The following MYO16 variants were observed in gnomAD, a reference collection of about 807,000 sequenced individuals.
MYO16 encodes the protein unconventional myosin-XVI.
MYO16 carries 94 observed loss-of-function variants against 205.3 expected under a neutral mutation model. The observed-to-expected ratio is 0.46, with a 90% confidence interval of 0.39 to 0.54. The LOEUF (loss-of-function observed/expected upper bound fraction) is 0.54. Ranked by LOEUF, MYO16 falls within the 20% of genes least tolerant of loss-of-function variation. MYO16 has a pLI of 0.00. For missense variants in MYO16, 2,315 were observed against 2,387.5 expected, an observed-to-expected ratio of 0.97 and a Z score of 0.63; for synonymous variants, 988 against 954.0, an observed-to-expected ratio of 1.04 and a Z score of -0.66.
At chr13:109,178,357 G>C (rs1051197263) in intron 33 of MYO16, among the ~76,000 whole-genome samples, 3 of 152,098 alleles carry the variant, frequency 2.0e-5, no homozygotes, top group Admixed American at 1.3e-4. Context: ...CAAGGTATCT[G>C]GACATGTAAC....
chr13:108,935,107 CT>C (rs1566420325), intron 16 of MYO16, among the ~76,000 whole-genome samples: 1 of 152,004 alleles, frequency 6.6e-6, no homozygotes, highest in Non-Finnish European at 1.5e-5. Flanking sequence ...TATTCGTGCT[CT>C]TTTTTTGTTT....
intron 1 of MYO16, among the ~76,000 whole-genome samples, chr13:108,645,901 A>G (rs903677159): frequency 2.0e-5 from 3 of 152,218 alleles, no homozygotes; most frequent in Non-Finnish European, 4.4e-5. Context: ...TTCCCAGCTC[A>G]GACTGAACAG....
chr13:109,023,741 ATATACG>A (rs1400037785), intron 23 of MYO16, among the ~76,000 whole-genome samples: 3 of 134,046 alleles, frequency 2.2e-5, no homozygotes, highest in African/African-American at 8.1e-5. Flanking sequence ...ATATATACAT[ATATACG>A]TATATGTATA....
chr13:108,880,312 T>C (rs1306538367), intron 12 of MYO16, among the ~76,000 whole-genome samples: 1 of 152,218 alleles, frequency 6.6e-6, no homozygotes, highest in Admixed American at 6.5e-5. Context: ...TTCTGTAGGT[T>C]GCCTGTTCAC....
At chr13:109,146,350 A>C (rs1298931483) in intron 32 of MYO16, among the ~76,000 whole-genome samples, 2 of 152,220 alleles carry the variant, frequency 1.3e-5, no homozygotes, top group Admixed American at 6.5e-5. Flanking sequence ...TTGTTTTTCA[A>C]GTTTTCCTTA....
chr13:108,551,731 A>G, the MYO16 span, among the ~76,000 whole-genome samples: 2 of 152,066 alleles, frequency 1.3e-5, no homozygotes, highest in Non-Finnish European at 2.9e-5. Flanking sequence ...TTTAATCCAT[A>G]GCTATTTCTC....
intron 22 of MYO16, among the ~76,000 whole-genome samples, chr13:109,018,935 C>A (rs1472583869): frequency 6.6e-6 from 1 of 151,800 alleles, no homozygotes; most frequent in Non-Finnish European, 1.5e-5. Flanking sequence ...CAGAGCTGTT[C>A]CTATTCGGCC....
At chr13:109,080,527 A>G (rs765329041) in intron 27 of MYO16, among the ~76,000 whole-genome samples, 1 of 151,506 alleles carries the variant, frequency 6.6e-6, no homozygotes, top group Non-Finnish European at 1.5e-5. Context: ...TCAAAAATGC[A>G]TTTGTTTCTG....
the MYO16 span, among the ~76,000 whole-genome samples, chr13:108,532,179 C>G: frequency 0.013 from 2,029 of 151,832 alleles, 30 homozygotes; most frequent in Middle Eastern, 0.051. Context: ...GCACTCTAGC[C>G]TGGGTGACAG....
In MYO16 at chr13:109,007,701, G is replaced by GT. The variant is rs1266383795; in HGVS notation, c.2443-1191dup. Among the ~76,000 whole-genome samples the GT allele has an allele frequency of 9.3e-4, 136 of 146,172 alleles. 1 individual carries two copies. Among genetic ancestry groups the GT allele is most frequent in the Admixed American group, 2.2e-3 (32 of 14,408 alleles). On this transcript the variant is annotated intron_variant, in intron 21 of 34. Coordinates refer to ENST00000457511, the MANE Select transcript of MYO16 (RefSeq NM_001198950.3). ...TTTAAATACTTTAAGATAAATAAAG[G>GT]TTTTTCTTTAAGATTAAGAAATAAC...
At chr13:108,554,848 T>TAAAAAAA in the MYO16 span, among the ~76,000 whole-genome samples, 1 of 77,992 alleles carries the variant, frequency 1.3e-5, no homozygotes, top group African/African-American at 4.3e-5. Context: ...AGACTCTGAC[T>TAAAAAAA]AAAAAAAAAA....
chr13:108,870,994 A>G (rs1414008294), intron 12 of MYO16, among the ~76,000 whole-genome samples: 1 of 152,144 alleles, frequency 6.6e-6, no homozygotes, highest in Non-Finnish European at 1.5e-5. Flanking sequence ...ATATATGTAT[A>G]TATGTAGAAA....
At chr13:108,977,223 C>CT (rs745760346) in intron 20 of MYO16, among the ~76,000 whole-genome samples, 45 of 152,274 alleles carry the variant, frequency 3.0e-4, no homozygotes, top group Admixed American at 1.2e-3. Context: ...TTCTTTTTAA[C>CT]TGCTGCACTA....
intron 23 of MYO16, among the ~76,000 whole-genome samples, chr13:109,031,277 G>T (rs9587757): frequency 0.017 from 2,615 of 151,972 alleles, 76 homozygotes; most frequent in African/African-American, 0.06. Context: ...GTTTTAATAG[G>T]GATGGGGTTT....
At chr13:108,824,419 C>A (rs1876147142) in intron 9 of MYO16, among the ~76,000 whole-genome samples, 1 of 151,890 alleles carries the variant, frequency 6.6e-6, no homozygotes, top group Non-Finnish European at 1.5e-5. Flanking sequence ...TAATACAACC[C>A]CTCTAAAACA....
the MYO16 span, among the ~76,000 whole-genome samples, chr13:108,581,154 C>T: frequency 1.9e-4 from 29 of 151,872 alleles, no homozygotes; most frequent in Admixed American, 1.4e-3. Flanking sequence ...TTTTTGAGTA[C>T]CCATTTTAGA....
At chr13:108,654,400 C>T (rs181976469) in intron 1 of MYO16, among the ~76,000 whole-genome samples, 242 of 152,328 alleles carry the variant, frequency 1.6e-3, no homozygotes, top group African/African-American at 5.4e-3. Flanking sequence ...TTTTCTCTTG[C>T]TGCTGCCATG....
At chr13:108,986,186 A>G (rs941499595) in intron 20 of MYO16, among the ~76,000 whole-genome samples, 2 of 152,196 alleles carry the variant, frequency 1.3e-5, no homozygotes, top group Non-Finnish European at 2.9e-5. Context: ...GGTCCTTCCC[A>G]TGACACATGG....
intron 1 of MYO16, among the ~76,000 whole-genome samples, 158 bp from the exon 2 acceptor site, chr13:108,665,728 T>A (rs1881693002): frequency 6.6e-6 from 1 of 152,184 alleles, no homozygotes; most frequent in Non-Finnish European, 1.5e-5. Context: ...TTTTCCCCAA[T>A]CTATAAAAAG....
Sources: gnomAD v4.1 joint callset for allele counts (sites outside exome capture counted in the v4.1 genomes callset) on GRCh38, gnomAD v4.1.1 for gene constraint, MANE v1.5 for transcripts, NCBI Gene and HGNC (gene_info 2026-07-23, HGNC 2026-07-21) for gene names.